APOO: variants seen among roughly 807,000 people sequenced by gnomAD.
APOO encodes MICOS complex subunit MIC26.
A neutral mutation model predicts 23.1 loss-of-function variants in APOO; 11 were observed. The ratio of observed to expected loss-of-function variants is 0.48; its 90% CI spans 0.30 to 0.79. The LOEUF (loss-of-function observed/expected upper bound fraction) is 0.79, where lower values mean the gene tolerates loss of function less well. Among genes scored for constraint, APOO ranks in the 30% least tolerant of loss-of-function variants. The pLI, the probability that APOO is intolerant of heterozygous loss-of-function variation, is 0.07. For synonymous variants in APOO, 59 were observed against 54.8 expected, an observed-to-expected ratio of 1.08 and a Z score of -0.34; for missense variants, 160 against 142.7, an observed-to-expected ratio of 1.12 and a Z score of -0.62.
rs1229344019 is a variant in APOO at position 23,896,059 on chromosome X, G to T, written c.9+11635C>A. Among the ~76,000 whole-genome samples the T allele has an allele frequency of 6.3e-5, 7 of 110,601 alleles. No homozygotes were observed. The Admixed American group carries it at 6.8e-4, about 11-fold the overall frequency. ...CTGAGGTGGGCAGACCACGAGGTCA[G>T]TGGTTCGAGACCAGCATGACCAACA... On this transcript the variant is annotated intron_variant, in intron 1 of 8. Coordinates refer to ENST00000379226, the MANE Select transcript of APOO (RefSeq NM_024122.5).
chrX:23,856,441 T>C, intron 6 of APOO, 59 bp from the exon 7 acceptor site: 1 of 915,844 alleles, frequency 1.1e-6, no homozygotes, highest in South Asian at 2.1e-5. Flanking sequence ...TTATTGGGAA[T>C]AATAATGGAA....
At chrX:23,903,065 A>G (rs1452220559) in intron 1 of APOO, among the ~76,000 whole-genome samples, 1 of 112,008 alleles carries the variant, frequency 8.9e-6, no homozygotes, top group African/African-American at 3.2e-5. Flanking sequence ...AAACTATAGA[A>G]CTAGTTAAAA....
intron 7 of APOO, among the ~76,000 whole-genome samples, chrX:23,848,125 AG>A (rs1410749606): frequency 9.4e-6 from 1 of 106,822 alleles, no homozygotes; most frequent in Non-Finnish European, 1.9e-5. Context: ...CGCCCACTTC[AG>A]CCCCCCAAAG....
intron 7 of APOO, among the ~76,000 whole-genome samples, chrX:23,846,530 G>A (rs1924245581): frequency 9.5e-6 from 1 of 104,890 alleles, no homozygotes; most frequent in South Asian, 4.4e-4. Context: ...CCTGAGGTAG[G>A]AGAATTGCTT....
At chrX:23,898,657 G>C (rs1476713835) in intron 1 of APOO, among the ~76,000 whole-genome samples, 2 of 112,123 alleles carry the variant, frequency 1.8e-5, no homozygotes, top group Admixed American at 9.5e-5. Context: ...ACTATACCCA[G>C]CAACTTTAAC....
rs1923507110 is a variant in APOO, at chrX:23,833,447, T to A, written c.*195A>T. On this transcript the variant is annotated 3_prime_UTR_variant, in exon 9 of 9. Transcript: ENST00000379226. Reference sequence around the variant, plus strand: ...TGTACATTATCTCTAGGTGAAGGGATTCCAGGTTAGTTTGCTTGTAGGATG... The same window carrying A: ...TGTACATTATCTCTAGGTGAAGGGAATCCAGGTTAGTTTGCTTGTAGGATG... 1.8e-5 allele frequency: 2 copies of A among 111,543 alleles called. No homozygotes were observed. Among genetic ancestry groups the A allele is most frequent in the East Asian group, 5.6e-4 (2 of 3,555 alleles). The allele number at this position is 111,543 out of a possible 1,213,427, so 9.2% of individuals were successfully genotyped here.
intron 8 of APOO, among the ~76,000 whole-genome samples, chrX:23,836,204 G>A (rs1923658278): frequency 8.9e-6 from 1 of 112,843 alleles, no homozygotes. Flanking sequence ...CACGATCTTG[G>A]CTCACTGCAA....
At chrX:23,854,965 T>C (rs1924715081) in intron 7 of APOO, among the ~76,000 whole-genome samples, 1 of 111,016 alleles carries the variant, frequency 9.0e-6, no homozygotes, top group Non-Finnish European at 1.9e-5. Context: ...AGAGCTAGTT[T>C]AAATAGGCTC....
chrX:23,861,201 C>T (rs1365331921), intron 5 of APOO, among the ~76,000 whole-genome samples: 1 of 111,091 alleles, frequency 9.0e-6, no homozygotes, highest in African/African-American at 3.3e-5. Flanking sequence ...GGGACGTGAC[C>T]TGATCATGAA....
intron 7 of APOO, among the ~76,000 whole-genome samples, chrX:23,852,839 T>C (rs1277995022): frequency 9.0e-6 from 1 of 110,988 alleles, no homozygotes; most frequent in Non-Finnish European, 1.9e-5. Flanking sequence ...TTTGGTCATA[T>C]GCTTTCCTTA....
Position 23,840,358 on chromosome X carries a change from G to A in APOO, c.581C>T (p.Ser194Leu). 8.3e-7 allele frequency: 1 copy of A among 1,201,381 alleles called. No homozygotes were observed. The change falls in exon 8 of 9, where the codon TCA (serine) becomes TTA (leucine). Residue 194 changes from serine (S) to leucine (L), a missense_variant. Physicochemically the swap from Ser to Leu is moderately radical, Grantham distance 145. Coordinates refer to ENST00000379226, the MANE Select transcript of APOO (RefSeq NM_024122.5). ...NFQKPGNVKN[S>L]PGTK is the part of the protein sequence containing the mutation. The stretch of plus-strand genomic sequence containing the variant: ...TGGAGTTTTCTACTTAGTTCCAGGT[G>A]AATTCTTCACATTTCCTGGCTTTTA...
chrX:23,879,436 AAATAAT>A (rs1212503850), intron 2 of APOO, among the ~76,000 whole-genome samples: 3 of 111,696 alleles, frequency 2.7e-5, no homozygotes, highest in Non-Finnish European at 3.8e-5. Context: ...TCCATCTCAA[AAATAAT>A]AATAATAATA....
At chrX:23,875,900 G>A (rs961801488) in intron 3 of APOO, among the ~76,000 whole-genome samples, 1 of 110,551 alleles carries the variant, frequency 9.0e-6, no homozygotes, top group Non-Finnish European at 1.9e-5. Flanking sequence ...TAAGACAGGA[G>A]TATCTCGTGA....
At chrX:23,875,778 T>C (rs1313286680) in intron 3 of APOO, among the ~76,000 whole-genome samples, 4 of 110,857 alleles carry the variant, frequency 3.6e-5, no homozygotes, top group Non-Finnish European at 7.5e-5. Flanking sequence ...TCCTCATTCT[T>C]TTAAATGACC....
chrX:23,886,119 A>T (rs1569241569), intron 1 of APOO, among the ~76,000 whole-genome samples: 1 of 111,495 alleles, frequency 9.0e-6, no homozygotes, highest in Non-Finnish European at 1.9e-5. Flanking sequence ...CACGACAGTC[A>T]AAAACATCTC....
chrX:23,852,639 T>C (rs1472609476), intron 7 of APOO, among the ~76,000 whole-genome samples: 1 of 108,291 alleles, frequency 9.2e-6, no homozygotes, highest in Non-Finnish European at 1.9e-5. Flanking sequence ...ATGAATTAGA[T>C]GATACTTAAT....
At chrX:23,853,213 G>A (rs1236524084) in intron 7 of APOO, among the ~76,000 whole-genome samples, 3 of 111,236 alleles carry the variant, frequency 2.7e-5, no homozygotes, top group African/African-American at 6.5e-5. Flanking sequence ...AGCCGAGATC[G>A]TGCCACTGCA....
At chrX:23,837,449 A>C (rs1160883103) in intron 8 of APOO, 8 of 436,186 alleles carry the variant, frequency 1.8e-5, no homozygotes, top group Non-Finnish European at 3.1e-5. Flanking sequence ...ACCTAAACCC[A>C]GGAGTTGAAG....
At chrX:23,862,443 C>T (rs993164721) in intron 5 of APOO, among the ~76,000 whole-genome samples, 27 of 110,241 alleles carry the variant, frequency 2.4e-4, no homozygotes, top group African/African-American at 5.6e-4. Context: ...CTAATTAATG[C>T]GTTGAGGAAG....
Sources: allele counts gnomAD v4.1 joint callset (sites outside exome capture counted in the v4.1 genomes callset), GRCh38; gene constraint gnomAD v4.1.1; transcripts MANE v1.5; gene names NCBI Gene and HGNC (gene_info 2026-07-23, HGNC 2026-07-21).